Variants in COL6A5 observed in about 807,000 individuals in gnomAD.
The protein encoded by COL6A5 is collagen alpha-5(VI) chain.
COL6A5 carries 48 observed loss-of-function variants against 65.6 expected under a neutral mutation model. That is an observed-to-expected ratio of 0.73 (90% confidence interval 0.58 to 0.93). The LOEUF is 0.93. Ranked by LOEUF, COL6A5 falls within the 40% of genes least tolerant of loss-of-function variation. The pLI, the probability that COL6A5 is intolerant of heterozygous loss-of-function variation, is 0.00. For synonymous variants in COL6A5, 291 were observed against 322.8 expected (o/e 0.90, Z 1.05); for missense variants, 914 against 928.3 (o/e 0.98, Z 0.20).
At chr3:130,417,331 C>T (rs182547460) in intron 24 of COL6A5, among the ~76,000 whole-genome samples, 1 of 152,174 alleles carries the variant, frequency 6.6e-6, no homozygotes, top group Admixed American at 6.5e-5. Flanking sequence ...CATTTTCTTC[C>T]TGATTTTCAT....
intron 21 of COL6A5, 117 bp from the exon 22 acceptor site, chr3:130,413,952 G>A (rs1334195578): frequency 2.7e-6 from 2 of 749,164 alleles, no homozygotes; most frequent in Admixed American, 2.3e-5. Flanking sequence ...GCCAAGTAGA[G>A]GGTGAGCCAC....
chr3:130,447,786 A>G (rs1439322398), intron 4 of COL6A5, among the ~76,000 whole-genome samples: 3 of 151,294 alleles, frequency 2.0e-5, no homozygotes, highest in Non-Finnish European at 2.9e-5. Context: ...CCGTTTGAGC[A>G]GAAGTATAAG....
chr3:130,365,199 T>C (rs1240969302), intron 1 of COL6A5, among the ~76,000 whole-genome samples: 1 of 152,170 alleles, frequency 6.6e-6, no homozygotes, highest in African/African-American at 2.4e-5. Context: ...GGTTTGAAAG[T>C]GGGGAAGGAG....
chr3:130,372,696 G>T (rs1414826531), intron 1 of COL6A5, among the ~76,000 whole-genome samples: 1 of 152,106 alleles, frequency 6.6e-6, no homozygotes, highest in Non-Finnish European at 1.5e-5. Context: ...GACTGCTATG[G>T]GTTTGGGGTT....
intron 19 of COL6A5, 136 bp from the exon 20 acceptor site, chr3:130,410,333 CTG>C: frequency 1.5e-6 from 1 of 684,048 alleles, no homozygotes; most frequent in East Asian, 2.7e-5. Flanking sequence ...GGGCATATAA[CTG>C]TTAATATGCA....
chr3:130,446,045 A>T (rs1375912204), intron 4 of COL6A5, among the ~76,000 whole-genome samples: 2 of 152,132 alleles, frequency 1.3e-5, no homozygotes, highest in Non-Finnish European at 2.9e-5. Flanking sequence ...CAGAGACCAA[A>T]TGTCCCATTT....
At chr3:130,374,745 G>A (rs926268992) in intron 2 of COL6A5, among the ~76,000 whole-genome samples, 1 of 152,082 alleles carries the variant, frequency 6.6e-6, no homozygotes, top group Non-Finnish European at 1.5e-5. Flanking sequence ...GAGCCACCAT[G>A]ACCAGCCAGC....
At chr3:130,386,526 A>G (rs533436317) in intron 5 of COL6A5, among the ~76,000 whole-genome samples, 4 of 152,216 alleles carry the variant, frequency 2.6e-5, no homozygotes, top group African/African-American at 9.6e-5. Flanking sequence ...AATCCTAAGT[A>G]ACAATTTTGT....
chr3:130,401,964 C>G, intron 12 of COL6A5, 110 bp downstream of exon 12: 1 of 762,300 alleles, frequency 1.3e-6, no homozygotes, highest in Non-Finnish European at 2.1e-6. Flanking sequence ...AATGGAATTG[C>G]TTTGGACATT....
At position 130,401,257 on chromosome 3, in the gene COL6A5, C is replaced by T. The variant is rs886438405; in HGVS notation, c.4134+84C>T. On this transcript the variant is annotated intron_variant and NMD_transcript_variant, in intron 11 of 41. Transcript: ENST00000312481. Reference sequence around the variant, plus strand: ...CTTGATGAGAACTTTCAAAGACTGCCTTTGTTTACCCCCACTAAATTAAGT... The same window carrying T: ...CTTGATGAGAACTTTCAAAGACTGCTTTTGTTTACCCCCACTAAATTAAGT... 38 of 1,184,658 alleles carry T rather than the reference C, an allele frequency of 3.2e-5. No homozygotes were observed. In the African/African-American group the frequency reaches 5.2e-4, roughly 16 times the overall value. 73.4% of individuals were successfully genotyped at this position (1,184,658 alleles called of 1,614,324 possible).
At chr3:130,402,299 G>A (rs1228292375) in intron 12 of COL6A5, among the ~76,000 whole-genome samples, 1 of 152,114 alleles carries the variant, frequency 6.6e-6, no homozygotes, top group African/African-American at 2.4e-5. Context: ...TAAGAGTTGT[G>A]CTTCATCAGT....
chr3:130,426,746 A>T (rs1186872338), upstream of COL6A5, among the ~76,000 whole-genome samples: 1 of 151,952 alleles, frequency 6.6e-6, no homozygotes, highest in Non-Finnish European at 1.5e-5. Flanking sequence ...AGGGATGATC[A>T]TGGGGGTTTG....
At chr3:130,390,844 C>A (rs775331397) in intron 6 of COL6A5, among the ~76,000 whole-genome samples, 1 of 152,200 alleles carries the variant, frequency 6.6e-6, no homozygotes, top group African/African-American at 2.4e-5. Context: ...TAGCTTCTAA[C>A]GTTGCCTTTC....
intron 24 of COL6A5, 143 bp downstream of exon 24, chr3:130,416,962 A>T: frequency 5.2e-6 from 3 of 581,660 alleles, no homozygotes; most frequent in Non-Finnish European, 9.0e-6. Flanking sequence ...ACATGTGCAG[A>T]ACATGCAGGT....
intron 1 of COL6A5, among the ~76,000 whole-genome samples, chr3:130,357,102 CA>C (rs1289172262): frequency 6.6e-6 from 1 of 151,504 alleles, no homozygotes; most frequent in East Asian, 1.9e-4. Context: ...ATAATCCAGA[CA>C]AAAAGGAAGA....
exon 20 of COL6A5, chr3:130,410,472 G>A (rs1200251434): frequency 1.9e-6 from 3 of 1,549,822 alleles, no homozygotes; most frequent in South Asian, 2.4e-5. Context: ...TATTTTTAGG[G>A]TAGAAGTGGA....
At chr3:130,434,728 A>T (rs940329747) in intron 1 of COL6A5, among the ~76,000 whole-genome samples, 1 of 152,184 alleles carries the variant, frequency 6.6e-6, no homozygotes, top group Non-Finnish European at 1.5e-5. Context: ...AGCCACATAA[A>T]TGTCTTCTTT....
chr3:130,391,204 C>T (rs368590934), exon 7 of COL6A5: 79 of 1,549,752 alleles, frequency 5.1e-5, no homozygotes, highest in East Asian at 3.7e-4. Context: ...CACTACTAGA[C>T]GTTGTGTTTG....
intron 4 of COL6A5, among the ~76,000 whole-genome samples, chr3:130,448,345 T>A (rs4353839): frequency 1.1e-3 from 173 of 152,262 alleles, no homozygotes; most frequent in Middle Eastern, 6.8e-3. Context: ...GTCAAAGTCC[T>A]GGGGCTGCGG....
Sources: allele counts gnomAD v4.1 joint callset (sites outside exome capture counted in the v4.1 genomes callset), GRCh38; gene constraint gnomAD v4.1.1; transcripts MANE v1.5; gene names NCBI Gene and HGNC (gene_info 2026-07-23, HGNC 2026-07-21).